PRKCH: variants seen among roughly 807,000 people sequenced by gnomAD.
PRKCH encodes the protein protein kinase C eta type.
In PRKCH, 28 loss-of-function variants were observed where a neutral mutation model predicts 82.5. The observed-to-expected ratio is 0.34, with a 90% CI of 0.25 to 0.47. The LOEUF is 0.47. PRKCH is among the 20% of genes least tolerant of loss of function. The pLI, the probability that PRKCH is intolerant of heterozygous loss-of-function variation, is 1.00. For synonymous variants in PRKCH, 322 were observed against 327.4 expected (o/e 0.98, Z 0.18); for missense variants, 705 against 881.8 (o/e 0.80, Z 2.54).
chr14:61,442,932 T>TGTCTCAAA (rs1884045678), intron 2 of PRKCH, among the ~76,000 whole-genome samples, 179 bp from the exon 3 acceptor site: 1 of 152,116 alleles, frequency 6.6e-6, no homozygotes, highest in Non-Finnish European at 1.5e-5. Context: ...AGTGAGGTCC[T>TGTCTCAAA]GTCTCAAAGT....
At chr14:61,338,183 A>C (rs971272203) in intron 1 of PRKCH, among the ~76,000 whole-genome samples, 33 of 152,280 alleles carry the variant, frequency 2.2e-4, no homozygotes, top group African/African-American at 7.9e-4. Flanking sequence ...AGGGACCCCC[A>C]GCCTCCCCCA....
intron 10 of PRKCH, chr14:61,492,386 C>G (rs1209657813): frequency 2.0e-5 from 3 of 152,180 alleles, no homozygotes; most frequent in Non-Finnish European, 4.4e-5. Context: ...CAGAGGAGAC[C>G]TCAAACGTTG....
At chr14:61,292,846 C>T (rs1030193751) in intron 1 of PRKCH, among the ~76,000 whole-genome samples, 4 of 149,922 alleles carry the variant, frequency 2.7e-5, no homozygotes, top group Admixed American at 6.6e-5. Flanking sequence ...CTAAGGAGGC[C>T]GAGGCAGGAG....
In PRKCH at chr14:61,491,534, C is replaced by T. The variant is rs140878206; in HGVS notation, c.1433+5878C>T. Among the ~76,000 whole-genome samples, 221 of 152,308 alleles carry T rather than the reference C, an allele frequency of 1.5e-3. 1 individual carries two copies. The highest frequency in any genetic ancestry group is 5.1e-3 in the African/African-American group (212 of 41,574). ...CTCTTACTTAGCTTGTCATGCCTTG[C>T]TGTGCCATGGTGGCCTCATTCAGTG... On this transcript the variant is annotated intron_variant, in intron 10 of 13. Transcript: ENST00000332981.
chr14:61,370,608 G>A (rs1389057351), intron 1 of PRKCH, among the ~76,000 whole-genome samples: 3 of 152,116 alleles, frequency 2.0e-5, no homozygotes, highest in Admixed American at 6.5e-5. Context: ...TGAAATCAGA[G>A]TGTAATGGGC....
At chr14:61,282,742 A>G (rs1430212849) in intron 1 of PRKCH, among the ~76,000 whole-genome samples, 2 of 152,186 alleles carry the variant, frequency 1.3e-5, no homozygotes, top group Non-Finnish European at 1.5e-5. Context: ...TGGAACATTG[A>G]TTCCAGTTTG....
chr14:61,539,846 TCACGTGTTTTCAATGA>T (rs1477297654), intron 12 of PRKCH, among the ~76,000 whole-genome samples: 1 of 152,198 alleles, frequency 6.6e-6, no homozygotes, highest in Non-Finnish European at 1.5e-5. Flanking sequence ...CGGCTCTGCT[TCACGTGTTTTCAATGA>T]CACAATGCTG....
At chr14:61,539,701 C>CTT (rs112037904) in intron 12 of PRKCH, among the ~76,000 whole-genome samples, 2 of 147,208 alleles carry the variant, frequency 1.4e-5, no homozygotes, top group Admixed American at 6.8e-5. Context: ...AAAATGCCAG[C>CTT]TTTTTTTTTT....
chr14:61,318,419 G>A (rs1200492810), upstream of PRKCH, among the ~76,000 whole-genome samples: 1 of 146,934 alleles, frequency 6.8e-6, no homozygotes, highest in Admixed American at 6.8e-5. Context: ...CGCGCAGGGT[G>A]GTCTCAAACT....
At chr14:61,363,209 T>G (rs1486001553) in intron 1 of PRKCH, among the ~76,000 whole-genome samples, 2 of 152,174 alleles carry the variant, frequency 1.3e-5, no homozygotes, top group Non-Finnish European at 2.9e-5. Flanking sequence ...AAAAGCCAAG[T>G]ATACTCTATG....
intron 1 of PRKCH, among the ~76,000 whole-genome samples, chr14:61,384,156 C>T: frequency 6.6e-6 from 1 of 152,072 alleles, no homozygotes; most frequent in East Asian, 1.9e-4. Flanking sequence ...GGTCACGGTG[C>T]CTCAAGTCGG....
intron 2 of PRKCH, among the ~76,000 whole-genome samples, chr14:61,401,529 T>C (rs1016058205): frequency 4.6e-5 from 7 of 152,232 alleles, no homozygotes; most frequent in Non-Finnish European, 8.8e-5. Context: ...TTCATCCTTT[T>C]TTCCCCACTG....
chr14:61,430,741 C>T (rs1326821814), intron 2 of PRKCH, among the ~76,000 whole-genome samples: 4 of 147,384 alleles, frequency 2.7e-5, no homozygotes, highest in African/African-American at 9.9e-5. Context: ...ACACCTTAAG[C>T]TCTTAATCAG....
At chr14:61,203,606 G>A (rs183483154) in intron 1 of PRKCH, among the ~76,000 whole-genome samples, 19 of 152,286 alleles carry the variant, frequency 1.2e-4, no homozygotes, top group Admixed American at 1.2e-3. Flanking sequence ...CTCTTGTGGA[G>A]ACAGCTCAGA....
chr14:61,475,552 A>G (rs917703531), intron 9 of PRKCH, among the ~76,000 whole-genome samples: 1 of 152,228 alleles, frequency 6.6e-6, no homozygotes, highest in Non-Finnish European at 1.5e-5. Context: ...GATCTTTATC[A>G]TGGCATAGAG....
chr14:61,266,132 C>G, intron 1 of PRKCH, among the ~76,000 whole-genome samples: 1 of 151,774 alleles, frequency 6.6e-6, no homozygotes, highest in Non-Finnish European at 1.5e-5. Context: ...AATCATAGGT[C>G]CTTGGCTGGA....
intron 10 of PRKCH, among the ~76,000 whole-genome samples, chr14:61,500,630 A>G (rs7153485): frequency 0.015 from 2,297 of 152,256 alleles, 70 homozygotes; most frequent in African/African-American, 0.053. Context: ...TAATTCCTGC[A>G]TCCATTTGAG....
At chr14:61,393,102 C>G (rs1371367526) in intron 2 of PRKCH, among the ~76,000 whole-genome samples, 2 of 152,116 alleles carry the variant, frequency 1.3e-5, no homozygotes, top group East Asian at 3.9e-4. Flanking sequence ...ATCTGTTTGT[C>G]CATCTGATCT....
chr14:61,400,019 G>A (rs978464776), intron 2 of PRKCH, among the ~76,000 whole-genome samples: 3 of 152,288 alleles, frequency 2.0e-5, no homozygotes, highest in African/African-American at 4.8e-5. Flanking sequence ...TTGAATTTTG[G>A]CATCTGCTTT....
Sources: allele counts gnomAD v4.1 joint callset (sites outside exome capture counted in the v4.1 genomes callset), GRCh38; gene constraint gnomAD v4.1.1; transcripts MANE v1.5; gene names NCBI Gene and HGNC (gene_info 2026-07-23, HGNC 2026-07-21).